KIAA1328: variants seen among roughly 807,000 people sequenced by gnomAD.
KIAA1328 encodes protein hinderin.
Under a neutral mutation model 68.1 loss-of-function variants are expected in KIAA1328, and 52 were observed. The ratio of observed to expected loss-of-function variants is 0.76; its 90% confidence interval spans 0.61 to 0.96. The LOEUF (loss-of-function observed/expected upper bound fraction) is 0.96, where lower values mean the gene tolerates loss of function less well. KIAA1328 is among the 40% of genes least tolerant of loss of function. The probability of loss-of-function intolerance (pLI) is 0.00; values close to 1 mark genes in which losing one functional copy is unlikely to be tolerated. For synonymous variants in KIAA1328, 232 were observed against 239.4 expected (o/e 0.97, Z 0.28); for missense variants, 641 against 677.6 (o/e 0.95, Z 0.60).
downstream of KIAA1328, among the ~76,000 whole-genome samples, chr18:37,227,011 C>T (rs2060643849): frequency 6.6e-6 from 1 of 152,188 alleles, no homozygotes; most frequent in Non-Finnish European, 1.5e-5. Flanking sequence ...AGGTGATCCG[C>T]CTGCCTCGGC....
At chr18:37,060,089 A>G (rs1254289282) in intron 6 of KIAA1328, among the ~76,000 whole-genome samples, 1 of 152,128 alleles carries the variant, frequency 6.6e-6, no homozygotes, top group Admixed American at 6.6e-5. Flanking sequence ...GCAAAACACC[A>G]TGGCACATGT....
chr18:37,177,501 T>G (rs926349471), intron 9 of KIAA1328, among the ~76,000 whole-genome samples: 1 of 152,124 alleles, frequency 6.6e-6, no homozygotes, highest in African/African-American at 2.4e-5. Flanking sequence ...TGTGTCTGTG[T>G]GTAAGATGTG....
At chr18:36,935,710 C>T (rs958824718) in intron 5 of KIAA1328, among the ~76,000 whole-genome samples, 2 of 152,060 alleles carry the variant, frequency 1.3e-5, no homozygotes, top group Non-Finnish European at 2.9e-5. Context: ...CTTTGCACTG[C>T]TTGTCCTAAT....
chr18:37,095,326 G>A (rs1042404527), intron 7 of KIAA1328, among the ~76,000 whole-genome samples: 1 of 152,116 alleles, frequency 6.6e-6, no homozygotes, highest in Admixed American at 6.5e-5. Flanking sequence ...AGACCATATA[G>A]TAGGCCACAA....
intron 4 of KIAA1328, among the ~76,000 whole-genome samples, chr18:36,878,108 T>A (rs1447370185): frequency 2.0e-5 from 3 of 152,206 alleles, no homozygotes; most frequent in Non-Finnish European, 4.4e-5. Context: ...GTGTTGATGG[T>A]CTTCACATTT....
At chr18:37,129,316 A>G (rs2058466607) in intron 7 of KIAA1328, among the ~76,000 whole-genome samples, 1 of 152,152 alleles carries the variant, frequency 6.6e-6, no homozygotes, top group African/African-American at 2.4e-5. Flanking sequence ...AAAAAAAACC[A>G]CGTGAAAAGA....
intron 5 of KIAA1328, among the ~76,000 whole-genome samples, chr18:36,926,177 CTGTGAAAT>C (rs1199434959): frequency 2.0e-5 from 3 of 152,000 alleles, no homozygotes; most frequent in Non-Finnish European, 2.9e-5. Flanking sequence ...GATAGATTAT[CTGTGAAAT>C]TGGGAATATT....
intron 9 of KIAA1328, among the ~76,000 whole-genome samples, chr18:37,206,206 G>A (rs1375216186): frequency 6.6e-6 from 1 of 152,160 alleles, no homozygotes; most frequent in Non-Finnish European, 1.5e-5. Flanking sequence ...ACCACTGAGT[G>A]AGCCTACCTG....
chr18:37,218,583 C>T (rs1016590192), intron 9 of KIAA1328, among the ~76,000 whole-genome samples: 1 of 152,210 alleles, frequency 6.6e-6, no homozygotes, highest in African/African-American at 2.4e-5. Flanking sequence ...CACTGATACC[C>T]TTTCTTCCAC....
chr18:37,053,546 G>C (rs534663382), intron 6 of KIAA1328, among the ~76,000 whole-genome samples: 8 of 152,228 alleles, frequency 5.3e-5, no homozygotes, highest in African/African-American at 1.9e-4. Flanking sequence ...AGAGTAAAAA[G>C]ACAGCCTTAA....
At chr18:37,173,802 G>A (rs1281673991) in intron 9 of KIAA1328, among the ~76,000 whole-genome samples, 1 of 152,190 alleles carries the variant, frequency 6.6e-6, no homozygotes, top group Admixed American at 6.5e-5. Context: ...TGATTTTAAA[G>A]ATGTGCTCTA....
At chr18:37,140,650 A>G (rs994501864) in intron 7 of KIAA1328, among the ~76,000 whole-genome samples, 1 of 152,166 alleles carries the variant, frequency 6.6e-6, no homozygotes, top group Non-Finnish European at 1.5e-5. Context: ...TTAGGAACTT[A>G]AGGGTGACTT....
intron 6 of KIAA1328, among the ~76,000 whole-genome samples, chr18:37,008,461 C>A (rs966565010): frequency 6.6e-6 from 1 of 152,054 alleles, no homozygotes; most frequent in Non-Finnish European, 1.5e-5. Flanking sequence ...CCATAGCCTG[C>A]GCAACATAAC....
chr18:37,066,792 G>T, intron 6 of KIAA1328, 98 bp from the exon 7 acceptor site: 2 of 1,127,312 alleles, frequency 1.8e-6, no homozygotes, highest in South Asian at 1.7e-5. Context: ...CAACAGCTTT[G>T]GCTTGGTAAA....
chr18:37,129,877 G>A (rs2058481523), intron 7 of KIAA1328, among the ~76,000 whole-genome samples: 1 of 152,192 alleles, frequency 6.6e-6, no homozygotes, highest in African/African-American at 2.4e-5. Context: ...GGAAGGAAGT[G>A]TGGAGAACGA....
intron 5 of KIAA1328, among the ~76,000 whole-genome samples, chr18:36,957,153 A>G (rs538901154): frequency 4.6e-5 from 7 of 152,292 alleles, no homozygotes; most frequent in African/African-American, 1.7e-4. Context: ...AAGTTATTAG[A>G]GCAAGAATCT....
At chr18:37,065,777 C>T (rs1366359724) in intron 6 of KIAA1328, among the ~76,000 whole-genome samples, 1 of 152,182 alleles carries the variant, frequency 6.6e-6, no homozygotes, top group Non-Finnish European at 1.5e-5. Flanking sequence ...ACACATGCAA[C>T]ATTTACATTA....
At chr18:36,858,779 G>T (rs1016197546) in intron 4 of KIAA1328, among the ~76,000 whole-genome samples, 2 of 152,204 alleles carry the variant, frequency 1.3e-5, no homozygotes, top group Non-Finnish European at 2.9e-5. Flanking sequence ...GAATTCCACA[G>T]AGGTGAAGTG....
chr18:36,893,466 TG>T (rs1568132554), intron 5 of KIAA1328, among the ~76,000 whole-genome samples: 16 of 30,916 alleles, frequency 5.2e-4, no homozygotes, highest in Admixed American at 8.3e-4. Context: ...TGTGTGTTTT[TG>T]TGTGTGTGTG....
Sources: allele counts gnomAD v4.1 joint callset (sites outside exome capture counted in the v4.1 genomes callset), GRCh38; gene constraint gnomAD v4.1.1; transcripts MANE v1.5; gene names NCBI Gene and HGNC (gene_info 2026-07-23, HGNC 2026-07-21).